Variants in AIM2 observed in about 807,000 individuals in gnomAD.
AIM2 encodes the protein absent in melanoma 2, also known as interferon-inducible protein AIM2.
A neutral mutation model predicts 27.7 loss-of-function variants in AIM2; 30 were observed. That is an observed-to-expected ratio of 1.08 (90% confidence interval 0.81 to 1.47). The LOEUF (loss-of-function observed/expected upper bound fraction) is 1.47, where lower values mean the gene tolerates loss of function less well. Ranked by LOEUF, AIM2 falls within the 40% of genes most tolerant of loss-of-function variation. The pLI is 0.00. For missense variants in AIM2, 358 were observed against 411.3 expected, an observed-to-expected ratio of 0.87 and a Z score of 1.12; for synonymous variants, 141 against 145.3, an observed-to-expected ratio of 0.97 and a Z score of 0.21.
At chr1:159,142,487 T>C (rs567902117), upstream of AIM2, among the ~76,000 whole-genome samples, 6 of 152,178 alleles carry the variant, frequency 3.9e-5, no homozygotes, top group South Asian at 1.0e-3. Context: ...AGATCTCTGA[T>C]GAAGTAGATG....
intron 1 of AIM2, chr1:159,132,194 C>CAAAAA (rs71086905): frequency 4.0e-5 from 4 of 99,438 alleles, no homozygotes; most frequent in Non-Finnish European, 8.0e-5. Flanking sequence ...CTAGAAATAC[C>CAAAAA]AAAAAAAAAA....
At chr1:159,145,546 C>G (rs1178649307) in intron 1 of AIM2, among the ~76,000 whole-genome samples, 1 of 152,114 alleles carries the variant, frequency 6.6e-6, no homozygotes, top group East Asian at 1.9e-4. Context: ...ATCCTTTCAT[C>G]ATCCCATCCA....
intron 2 of AIM2, among the ~76,000 whole-genome samples, chr1:159,072,247 G>C (rs1656391672): frequency 6.6e-6 from 1 of 152,162 alleles, no homozygotes; most frequent in African/African-American, 2.4e-5. Context: ...TTTCTCTTTA[G>C]TGCCTTAGAA....
At chr1:159,065,851 A>G in intron 4 of AIM2, 59 bp downstream of exon 4, 1 of 1,494,978 alleles carries the variant, frequency 6.7e-7, no homozygotes. Flanking sequence ...TTTCTTTAAG[A>G]TCAGATGGGA....
rs774240443 is a variant in AIM2 at position 159,063,503 on chromosome 1, C to A, written c.988G>T (p.Val330Phe). 2 of 1,613,628 alleles carry A rather than the reference C, an allele frequency of 1.2e-6. No individual in the cohort carries two copies. The highest frequency in any genetic ancestry group is 4.5e-5 in the East Asian group (2 of 44,878). The change falls in exon 5 of 6, where the codon GTT (valine) becomes TTT (phenylalanine). Residue 330 changes from valine (V) to phenylalanine (F), a missense_variant. Transcript: ENST00000368130. ...GTTCCCACCTTTATGGTGCTATGAACTCCAGATGTCAGCTGTAGTTTTTCT... is the reference window on the plus strand; with the variant it reads ...GTTCCCACCTTTATGGTGCTATGAAATCCAGATGTCAGCTGTAGTTTTTCT... ...NGEKLQLTSG[V>F]HSTIKVIKAK...
At chr1:159,102,051 AG>A in intron 1 of AIM2, among the ~76,000 whole-genome samples, 1 of 152,324 alleles carries the variant, frequency 6.6e-6, no homozygotes, top group South Asian at 2.1e-4. Context: ...TCACAGCCTC[AG>A]TGGCCTAGGA....
intron 1 of AIM2, among the ~76,000 whole-genome samples, chr1:159,086,777 G>C (rs556179093): frequency 2.9e-4 from 44 of 152,312 alleles, no homozygotes; most frequent in African/African-American, 1.0e-3. Flanking sequence ...AAGGCTGTCA[G>C]TCCCTAATCC....
At chr1:159,128,484 G>T (rs923740485) in intron 1 of AIM2, among the ~76,000 whole-genome samples, 1 of 152,022 alleles carries the variant, frequency 6.6e-6, no homozygotes, top group African/African-American at 2.4e-5. Context: ...GCCTAGTATC[G>T]TTATAGCGAG....
intron 1 of AIM2, among the ~76,000 whole-genome samples, chr1:159,120,726 C>A (rs188758117): frequency 3.3e-5 from 5 of 152,162 alleles, no homozygotes; most frequent in African/African-American, 7.2e-5. Context: ...AGGCTAGAGC[C>A]CAGCGTGACT....
chr1:159,108,809 T>C (rs1657507776), intron 1 of AIM2, among the ~76,000 whole-genome samples: 2 of 151,824 alleles, frequency 1.3e-5, no homozygotes, highest in Admixed American at 6.6e-5. Flanking sequence ...CAAAATAAAA[T>C]AAAATGCTTA....
At chr1:159,093,445 G>A (rs1657093708) in intron 1 of AIM2, among the ~76,000 whole-genome samples, 1 of 152,124 alleles carries the variant, frequency 6.6e-6, no homozygotes, top group African/African-American at 2.4e-5. Context: ...ACATAATGCT[G>A]TATTATCTAT....
At chr1:159,075,114 A>G (rs1046558049) in intron 1 of AIM2, among the ~76,000 whole-genome samples, 1 of 152,166 alleles carries the variant, frequency 6.6e-6, no homozygotes, top group African/African-American at 2.4e-5. Context: ...AAATGAACTA[A>G]TAAATAGAGT....
At chr1:159,133,508 T>G (rs980360994) in intron 1 of AIM2, among the ~76,000 whole-genome samples, 4 of 152,182 alleles carry the variant, frequency 2.6e-5, no homozygotes, top group South Asian at 2.1e-4. Flanking sequence ...CTATATGCAT[T>G]CTTTGTTTCC....
At chr1:159,114,531 C>T (rs1398213921) in intron 1 of AIM2, among the ~76,000 whole-genome samples, 6 of 152,140 alleles carry the variant, frequency 3.9e-5, no homozygotes, top group African/African-American at 1.4e-4. Context: ...AGCCTGGCCA[C>T]CATGGCAAAA....
chr1:159,079,404 C>T (rs184441177), upstream of AIM2, among the ~76,000 whole-genome samples: 4 of 151,840 alleles, frequency 2.6e-5, no homozygotes, highest in East Asian at 3.9e-4. Context: ...GTTTATGCCC[C>T]GATGAATAAT....
intron 1 of AIM2, among the ~76,000 whole-genome samples, chr1:159,116,739 C>T (rs967931354): frequency 7.3e-5 from 11 of 151,602 alleles, no homozygotes; most frequent in Non-Finnish European, 1.3e-4. Flanking sequence ...TGTTAAATGA[C>T]GAGTTACTGG....
At chr1:159,120,397 C>A (rs1264293427) in intron 1 of AIM2, among the ~76,000 whole-genome samples, 1 of 152,116 alleles carries the variant, frequency 6.6e-6, no homozygotes, top group East Asian at 1.9e-4. Flanking sequence ...ACAAGACGTG[C>A]AATTTTTCTT....
chr1:159,108,894 C>T (rs539625684), intron 1 of AIM2, among the ~76,000 whole-genome samples: 8 of 152,098 alleles, frequency 5.3e-5, no homozygotes, highest in African/African-American at 9.6e-5. Context: ...AAATCATAGA[C>T]GACACACACA....
At chr1:159,100,543 G>A (rs1207757442) in intron 1 of AIM2, among the ~76,000 whole-genome samples, 3 of 152,148 alleles carry the variant, frequency 2.0e-5, no homozygotes, top group Non-Finnish European at 4.4e-5. Context: ...AAAAGGTGGA[G>A]GCAGGAATAA....
Sources: gnomAD v4.1 joint callset for allele counts (sites outside exome capture counted in the v4.1 genomes callset) on GRCh38, gnomAD v4.1.1 for gene constraint, MANE v1.5 for transcripts, NCBI Gene and HGNC (gene_info 2026-07-23, HGNC 2026-07-21) for gene names.